YLPM1: variants seen among roughly 807,000 people sequenced by gnomAD.
The protein encoded by YLPM1 is YLP motif-containing protein 1.
YLPM1 carries 99 observed loss-of-function variants against 230.0 expected under a neutral mutation model. The observed-to-expected ratio is 0.43, with a 90% CI of 0.37 to 0.51. The LOEUF is 0.51. Ranked by LOEUF, YLPM1 falls within the 20% of genes least tolerant of loss-of-function variation. The pLI, the probability that YLPM1 is intolerant of heterozygous loss-of-function variation, is 0.00. For missense variants in YLPM1, 2,592 were observed against 2,707.7 expected, an observed-to-expected ratio of 0.96 and a Z score of 0.95; for synonymous variants, 984 against 942.5, an observed-to-expected ratio of 1.04 and a Z score of -0.81.
chr14:74,829,147 CT>C, intron 18 of YLPM1, 65 bp from the exon 19 acceptor site: 1 of 1,584,794 alleles, frequency 6.3e-7, no homozygotes, highest in Non-Finnish European at 8.6e-7. Context: ...TTCTTTTCCC[CT>C]GTGTGTGTGT....
chr14:74,823,313 T>C (rs778038097), intron 17 of YLPM1, among the ~76,000 whole-genome samples: 1 of 152,122 alleles, frequency 6.6e-6, no homozygotes, highest in Non-Finnish European at 1.5e-5. Context: ...GATGAATCTG[T>C]CCTATTTACT....
At chr14:74,797,379 A>C (rs1156565955) in intron 4 of YLPM1, among the ~76,000 whole-genome samples, 1 of 151,908 alleles carries the variant, frequency 6.6e-6, no homozygotes, top group Non-Finnish European at 1.5e-5. Flanking sequence ...ATGATTTCCA[A>C]AGCCTGTCCT....
At position 74,824,304 on chromosome 14, in the gene YLPM1, C is replaced by T. The variant is rs1291895452; in HGVS notation, c.6160C>T (p.Leu2054=). ...KWEMDTSEAK[L]DKLDGLRTGT... is the part of the protein sequence containing the mutation. The stretch of plus-strand genomic sequence containing the variant: ...GGAGATGGACACATCTGAGGCAAAG[C>T]TAGGTGGGTATTTCCTTTTTCCTGT... Residue 2054 remains leucine, a synonymous_variant, in exon 18 of 21, where the codon CTA becomes TTA. Transcript: ENST00000325680. 14 of 1,612,080 alleles carry T rather than the reference C, an allele frequency of 8.7e-6. No homozygotes were observed. Among genetic ancestry groups the T allele is most frequent in the South Asian group, 4.4e-5 (4 of 90,926 alleles).
intron 2 of YLPM1, among the ~76,000 whole-genome samples, chr14:74,779,316 T>C (rs2091070922): frequency 6.6e-6 from 1 of 152,220 alleles, no homozygotes; most frequent in Non-Finnish European, 1.5e-5. Flanking sequence ...CAGGCTATAA[T>C]CCAGGTACTG....
rs2091090100 is a variant in YLPM1 at position 74,781,378 on chromosome 14, G to A, written c.1335G>A (p.Gln445=). Residue 445 remains glutamine (Q), a synonymous_variant, in exon 4 of 21, where the codon CAG becomes CAA. Transcript: ENST00000325680. ...DMQLRHYEMQ[Q]QQFQHLYQEW... ...AGCTGCGGCATTATGAGATGCAGCAGCAACAGTTTCAACATCTTTACCAAG... is the reference window on the plus strand; with the variant it reads ...AGCTGCGGCATTATGAGATGCAGCAACAACAGTTTCAACATCTTTACCAAG... The A allele has an allele frequency of 1.9e-6, 3 of 1,585,764 alleles. No homozygotes were observed. Among genetic ancestry groups the A allele is most frequent in the Admixed American group, 1.8e-5 (1 of 55,126 alleles).
In YLPM1 at chr14:74,835,420, T is replaced by C; in HGVS notation, c.*9T>C. On this transcript the variant is annotated 3_prime_UTR_variant, in exon 20 of 21. Transcript: ENST00000325680. ...GAACCAAATATATATGAGACTTAGT[T>C]TTTGAACGGAGTCATTATTCCTCTA... 1 of 1,613,142 alleles carries C rather than the reference T, an allele frequency of 6.2e-7. No homozygotes were observed. The highest frequency in any genetic ancestry group is 8.5e-7 in the Non-Finnish European group (1 of 1,179,410).
At chr14:74,830,017 G>A (rs973444195) in intron 19 of YLPM1, among the ~76,000 whole-genome samples, 1 of 152,162 alleles carries the variant, frequency 6.6e-6, no homozygotes. Flanking sequence ...AAATGGAAAA[G>A]GTAATAGGAC....
chr14:74,772,236 CAG>C (rs1406404684), intron 1 of YLPM1, among the ~76,000 whole-genome samples: 1 of 144,184 alleles, frequency 6.9e-6, no homozygotes, highest in Non-Finnish European at 1.5e-5. Context: ...TTTTTTTTCT[CAG>C]AGAGATGGGA....
At chr14:74,800,934 A>C (rs1409556047) in intron 5 of YLPM1, among the ~76,000 whole-genome samples, 2 of 152,192 alleles carry the variant, frequency 1.3e-5, no homozygotes, top group African/African-American at 4.8e-5. Context: ...CACTTCACAA[A>C]TGACACTAAA....
rs746657152 is a variant in YLPM1, at chr14:74,829,290, C to G, written c.6241C>G (p.Leu2081Val). ...EAIASRMEDY[L>V]QLPDDYDTRA... Reference sequence around the variant, plus strand: ...CATTGCCAGCAGAATGGAGGATTATCTTCAGCTCCCCGATGATTATGATAC... The same window carrying G: ...CATTGCCAGCAGAATGGAGGATTATGTTCAGCTCCCCGATGATTATGATAC... Residue 2081 changes from leucine (L) to valine (V), a missense_variant, in exon 19 of 21, where the codon CTT (leucine) becomes GTT (valine). This residue lies in a region of YLPM1 where 315 missense variants were observed against 429.3 expected (regional missense o/e 0.73). Transcript: ENST00000325680. 7.0e-5 allele frequency: 113 copies of G among 1,613,164 alleles called. No individual in the cohort carries two copies. Among genetic ancestry groups the G allele is most frequent in the Non-Finnish European group, 9.3e-5 (110 of 1,179,418 alleles).
chr14:74,806,566 A>G (rs979034551), intron 6 of YLPM1, among the ~76,000 whole-genome samples: 3 of 152,212 alleles, frequency 2.0e-5, no homozygotes, highest in Non-Finnish European at 4.4e-5. Context: ...CTGGGCAACA[A>G]GAGTGAGACT....
Position 74,779,713 on chromosome 14 carries a change from C to T in YLPM1, c.1111-692C>T, listed in dbSNP as rs2091074756. On this transcript the variant is annotated intron_variant, in intron 2 of 20. Transcript: ENST00000325680. ...CTGGAGTGCAGTGGTGTGATCTCAA[C>T]TCACTGCAGCCTCAGCCTCCCAGGC... Among the ~76,000 whole-genome samples the T allele has an allele frequency of 2.0e-5, 3 of 149,958 alleles. No homozygotes were observed. The South Asian group carries it at 6.3e-4, about 32-fold the overall frequency.
At chr14:74,789,544 G>A (rs557600429) in intron 4 of YLPM1, among the ~76,000 whole-genome samples, 136 of 151,774 alleles carry the variant, frequency 9.0e-4, no homozygotes, top group African/African-American at 3.3e-3. Flanking sequence ...AGGGCCAGGT[G>A]GTAAATATTT....
chr14:74,777,640 A>G (rs917687049), intron 1 of YLPM1, among the ~76,000 whole-genome samples: 15 of 151,948 alleles, frequency 9.9e-5, no homozygotes, highest in African/African-American at 3.1e-4. Context: ...ATATGTGTGT[A>G]CATCTGAGTA....
At position 74,764,239 on chromosome 14, in the gene YLPM1, G is replaced by C; in HGVS notation, c.750G>C (p.Pro250=). 1 of 1,612,830 alleles carries C rather than the reference G, an allele frequency of 6.2e-7. No homozygotes were observed. Among genetic ancestry groups the C allele is most frequent in the Non-Finnish European group, 8.5e-7 (1 of 1,179,574 alleles). The change falls in exon 1 of 21, where the codon CCG becomes CCC. Residue 250 remains proline, a synonymous_variant. Transcript: ENST00000325680. ...CCCAACTACTAGCTCCACCACCACC[G>C]TCCGCCCCCCCTGGAAATAAGACAA... ...SKSQLLAPPP[P]SAPPGNKTTV...
intron 4 of YLPM1, among the ~76,000 whole-genome samples, chr14:74,794,786 CAT>C (rs903976985): frequency 3.2e-4 from 45 of 142,652 alleles, no homozygotes; most frequent in African/African-American, 9.1e-4. Context: ...CACACACACA[CAT>C]ATTTAAACAC....
chr14:74,766,009 T>C (rs2090907959), intron 1 of YLPM1, among the ~76,000 whole-genome samples: 1 of 152,234 alleles, frequency 6.6e-6, no homozygotes, highest in African/African-American at 2.4e-5. Flanking sequence ...TAGAGTTGTA[T>C]TGCTTTCAAG....
At chr14:74,832,954 A>G (rs1009499031) in intron 19 of YLPM1, among the ~76,000 whole-genome samples, 2 of 148,366 alleles carry the variant, frequency 1.3e-5, no homozygotes, top group East Asian at 3.9e-4. Context: ...CTATGTGCTG[A>G]GGTTGATAAG....
chr14:74,816,395 A>G (rs2091478484), intron 12 of YLPM1, 130 bp downstream of exon 12: 1 of 1,247,262 alleles, frequency 8.0e-7, no homozygotes, highest in African/African-American at 1.5e-5. Flanking sequence ...CAGTTGGCCC[A>G]TGTGGTAGAT....
Sources: gnomAD v4.1 joint callset for allele counts (sites outside exome capture counted in the v4.1 genomes callset) on GRCh38, gnomAD v4.1.1 for gene constraint, gnomAD v4.1.1 regional missense constraint, MANE v1.5 for transcripts, NCBI Gene and HGNC (gene_info 2026-07-23, HGNC 2026-07-21) for gene names.